MARCHF2: variants seen among roughly 807,000 people sequenced by gnomAD.
MARCHF2 encodes the protein membrane associated ring-CH-type finger 2.
In MARCHF2, 22 loss-of-function variants were observed where a neutral mutation model predicts 24.0. The observed-to-expected ratio is 0.92, with a 90% CI of 0.66 to 1.31. The LOEUF is 1.31. MARCHF2 is among the 50% of genes most tolerant of loss of function. The probability of loss-of-function intolerance (pLI) is 0.00; values close to 1 mark genes in which losing one functional copy is unlikely to be tolerated. For synonymous variants in MARCHF2, 154 were observed against 153.0 expected, an observed-to-expected ratio of 1.01 and a Z score of -0.05; for missense variants, 301 against 335.3, an observed-to-expected ratio of 0.90 and a Z score of 0.80.
chr19:8,415,761 CA>C (rs1379627030), intron 1 of MARCHF2, among the ~76,000 whole-genome samples: 2 of 110,020 alleles, frequency 1.8e-5, no homozygotes, highest in Non-Finnish European at 4.1e-5. Context: ...AAAAACCAGA[CA>C]AAAGAAAGAA....
intron 1 of MARCHF2, among the ~76,000 whole-genome samples, chr19:8,416,508 G>A (rs1194431775): frequency 6.6e-6 from 1 of 152,068 alleles, no homozygotes; most frequent in Non-Finnish European, 1.5e-5. Flanking sequence ...ATACGTAGGT[G>A]AATAAGTAGA....
intron 2 of MARCHF2, among the ~76,000 whole-genome samples, chr19:8,422,392 G>A (rs2145545702): frequency 6.6e-6 from 1 of 151,970 alleles, no homozygotes; most frequent in South Asian, 2.1e-4. Flanking sequence ...CTTCACCACT[G>A]TATCTCTCTT....
chr19:8,425,861 T>G (rs1222860346), intron 2 of MARCHF2, among the ~76,000 whole-genome samples: 1 of 150,518 alleles, frequency 6.6e-6, no homozygotes, highest in African/African-American at 2.4e-5. Flanking sequence ...ATGATCCTCC[T>G]GCCTTGGCCT....
At chr19:8,433,675 C>T (rs78612941) in intron 4 of MARCHF2, among the ~76,000 whole-genome samples, 1 of 90,716 alleles carries the variant, frequency 1.1e-5, no homozygotes, top group Non-Finnish European at 2.2e-5. Context: ...GACTCCGTCT[C>T]AAAAAAAAAA....
Position 8,420,199 on chromosome 19 carries a change from T to A in MARCHF2, c.-52-1590T>A, listed in dbSNP as rs186989588. 6.1e-5 allele frequency among the ~76,000 whole-genome samples: 6 copies of A among 98,612 alleles called. No homozygotes were observed. In the East Asian group the frequency reaches 1.5e-3, roughly 25 times the overall value. 64.7% of individuals were successfully genotyped at this position (98,612 alleles called of 152,430 possible). A position where few individuals can be genotyped will look rare whatever the true frequency, so the allele number is the denominator to read the frequency against. ...AATAAATAAATAAATAAATAAATAA[T>A]TAGCTGAGTGTGGTGGTGGGCCCCT... On this transcript the variant is annotated intron_variant, in intron 1 of 4. Coordinates refer to ENST00000215555, the MANE Select transcript of MARCHF2 (RefSeq NM_001005415.2).
intron 2 of MARCHF2, among the ~76,000 whole-genome samples, chr19:8,424,345 CA>C (rs912199451): frequency 6.6e-6 from 1 of 151,826 alleles, no homozygotes; most frequent in Non-Finnish European, 1.5e-5. Context: ...TGATTAGATC[CA>C]GGGGCCCGCA....
intron 4 of MARCHF2, among the ~76,000 whole-genome samples, chr19:8,435,388 CAG>C (rs1967688657): frequency 6.6e-6 from 1 of 152,036 alleles, no homozygotes; most frequent in South Asian, 2.1e-4. Flanking sequence ...GCAGAAAGTA[CAG>C]AGAGTTCCTG....
At chr19:8,429,775 A>G (rs1967525952) in intron 3 of MARCHF2, among the ~76,000 whole-genome samples, 1 of 136,144 alleles carries the variant, frequency 7.3e-6, no homozygotes. Context: ...AAGTGCTAGG[A>G]TTACAGACGT....
intron 2 of MARCHF2, 70 bp downstream of exon 2, chr19:8,422,086 A>G (rs979688160): frequency 2.7e-6 from 4 of 1,505,412 alleles, no homozygotes; most frequent in Non-Finnish European, 3.6e-6. Context: ...AGTTTCTCCC[A>G]GCCTGGGGTT....
At chr19:8,437,361 T>C (rs1435793481) in intron 4 of MARCHF2, among the ~76,000 whole-genome samples, 1 of 148,750 alleles carries the variant, frequency 6.7e-6, no homozygotes, top group Non-Finnish European at 1.5e-5. Flanking sequence ...TTTTTTTTTT[T>C]TTTTTTTTGA....
At chr19:8,437,904 C>A (rs557898976) in intron 4 of MARCHF2, among the ~76,000 whole-genome samples, 1 of 152,082 alleles carries the variant, frequency 6.6e-6, no homozygotes, top group Non-Finnish European at 1.5e-5. Flanking sequence ...GCCACCACGC[C>A]AGGCTAATTT....
At position 8,426,636 on chromosome 19, in the gene MARCHF2, T is replaced by C; in HGVS notation, c.204T>C (p.His68=). 1.2e-6 allele frequency: 2 copies of C among 1,614,050 alleles called. No individual in the cohort carries two copies. The highest frequency in any genetic ancestry group is 1.7e-4 in the Middle Eastern group (1 of 6,054). The change falls in exon 3 of 5, where the codon CAT becomes CAC. Residue 68 remains histidine (H), a synonymous_variant. Transcript: ENST00000215555. ...ATGGTCCTTTCTGCCGGATCTGCCATGAGGGAGCGAACGGGGAGTGCTTGC... is the reference window on the plus strand; with the variant it reads ...ATGGTCCTTTCTGCCGGATCTGCCACGAGGGAGCGAACGGGGAGTGCTTGC... ...PSDGPFCRIC[H]EGANGECLLS...
chr19:8,436,062 G>A (rs1354288621), intron 4 of MARCHF2, among the ~76,000 whole-genome samples: 1 of 151,930 alleles, frequency 6.6e-6, no homozygotes, highest in Non-Finnish European at 1.5e-5. Context: ...GTTTTGCCAT[G>A]TTGCCCAGGC....
At chr19:8,423,949 C>A (rs989385142) in intron 2 of MARCHF2, among the ~76,000 whole-genome samples, 7 of 139,592 alleles carry the variant, frequency 5.0e-5, no homozygotes, top group African/African-American at 1.9e-4. Context: ...CTGCAGTGAG[C>A]TGTGATTGCA....
chr19:8,431,438 A>G (rs1412378488), intron 4 of MARCHF2, among the ~76,000 whole-genome samples: 3 of 140,870 alleles, frequency 2.1e-5, no homozygotes, highest in Non-Finnish European at 4.6e-5. Context: ...CGGAGGTTGC[A>G]GTAAGCCTAG....
intron 4 of MARCHF2, among the ~76,000 whole-genome samples, chr19:8,436,667 TA>T (rs1357909610): frequency 6.9e-6 from 1 of 144,038 alleles, no homozygotes; most frequent in African/African-American, 2.5e-5. Context: ...TTTCGTGGCT[TA>T]AGGGCTTTCT....
chr19:8,438,131 A>G (rs1176500473), intron 4 of MARCHF2, among the ~76,000 whole-genome samples: 1 of 152,222 alleles, frequency 6.6e-6, no homozygotes, highest in African/African-American at 2.4e-5. Flanking sequence ...GAGGCAGGAA[A>G]GGAGCTCCCG....
At chr19:8,435,359 A>G (rs1967687663) in intron 4 of MARCHF2, among the ~76,000 whole-genome samples, 1 of 151,880 alleles carries the variant, frequency 6.6e-6, no homozygotes, top group Admixed American at 6.6e-5. Flanking sequence ...GAGCAATTTT[A>G]GGTTCACAGC....
chr19:8,435,567 C>T (rs1179607925), intron 4 of MARCHF2, among the ~76,000 whole-genome samples: 1 of 152,038 alleles, frequency 6.6e-6, no homozygotes, highest in Admixed American at 6.6e-5. Context: ...GAGATGGTAT[C>T]TCGCCCTGTC....
Sources: gnomAD v4.1 joint callset for allele counts (sites outside exome capture counted in the v4.1 genomes callset) on GRCh38, gnomAD v4.1.1 for gene constraint, MANE v1.5 for transcripts, NCBI Gene and HGNC (gene_info 2026-07-23, HGNC 2026-07-21) for gene names.